Variants in CTNNA3 observed in about 807,000 individuals in gnomAD.
CTNNA3 encodes the protein catenin alpha-3.
A neutral mutation model predicts 95.7 loss-of-function variants in CTNNA3; 76 were observed. The ratio of observed to expected loss-of-function variants is 0.79; its 90% CI spans 0.66 to 0.96. The LOEUF is 0.96. Ranked by LOEUF, CTNNA3 falls within the 40% of genes least tolerant of loss-of-function variation. The pLI, the probability that CTNNA3 is intolerant of heterozygous loss-of-function variation, is 0.00. For missense variants in CTNNA3, 1,191 were observed against 1,089.8 expected, an observed-to-expected ratio of 1.09 and a Z score of -1.31; for synonymous variants, 431 against 374.4, an observed-to-expected ratio of 1.15 and a Z score of -1.74.
rs539417729 is a variant in CTNNA3, at chr10:66,904,243, C to A, written c.1048-128719G>T. On this transcript the variant is annotated intron_variant, in intron 7 of 17. Transcript: ENST00000433211. ...CCACAGCCATCTGATCTTTGACAAA[C>A]CTAACAAAAACAAGAAATGGGGAAA... 8.7e-4 allele frequency among the ~76,000 whole-genome samples: 132 copies of A among 152,204 alleles called. 2 individuals carry two copies. The Middle Eastern group carries it at 0.02, about 24-fold the overall frequency.
At chr10:67,404,490 A>T (rs574767615) in intron 5 of CTNNA3, among the ~76,000 whole-genome samples, 2 of 152,152 alleles carry the variant, frequency 1.3e-5, no homozygotes, top group African/African-American at 4.8e-5. Flanking sequence ...GAAATAACAC[A>T]GGCAGACAAA....
chr10:66,785,420 A>G (rs1840703295), intron 7 of CTNNA3, among the ~76,000 whole-genome samples: 1 of 152,170 alleles, frequency 6.6e-6, no homozygotes, highest in Non-Finnish European at 1.5e-5. Flanking sequence ...GCATCATCTA[A>G]TCTGTTGAGG....
chr10:66,105,345 C>T (rs1023073025), intron 13 of CTNNA3, among the ~76,000 whole-genome samples: 2 of 152,182 alleles, frequency 1.3e-5, no homozygotes, highest in Admixed American at 6.5e-5. Flanking sequence ...AATTTCCCTC[C>T]TTGTTATATC....
chr10:66,699,229 T>C lies in CTNNA3; in HGVS notation c.1281+67035A>G, dbSNP rs1038655298. On this transcript the variant is annotated intron_variant, in intron 9 of 17. Coordinates refer to ENST00000433211, the MANE Select transcript of CTNNA3 (RefSeq NM_013266.4). ...GCTGATTTCATTTCCTCTGGATATA[T>C]ACCCAGAAAAGGGATTGTTGGATCA... 2.6e-5 allele frequency among the ~76,000 whole-genome samples: 4 copies of C among 152,274 alleles called. No individual in the cohort carries two copies. The South Asian group carries it at 6.2e-4, about 24-fold the overall frequency.
chr10:66,010,659 A>G (rs1050689707), intron 15 of CTNNA3, among the ~76,000 whole-genome samples: 1 of 152,198 alleles, frequency 6.6e-6, no homozygotes, highest in African/African-American at 2.4e-5. Flanking sequence ...ATGGCTCCCA[A>G]GGATCACTGA....
chr10:67,112,928 A>C (rs1249344240), intron 7 of CTNNA3, among the ~76,000 whole-genome samples: 1 of 152,122 alleles, frequency 6.6e-6, no homozygotes, highest in Non-Finnish European at 1.5e-5. Flanking sequence ...TCTGGAAAAA[A>C]GATTCCCTTG....
chr10:67,253,993 CTTCT>C (rs929506067), intron 5 of CTNNA3, among the ~76,000 whole-genome samples: 4 of 152,106 alleles, frequency 2.6e-5, no homozygotes, highest in African/African-American at 9.7e-5. Context: ...CTTTCCCTTC[CTTCT>C]ATGATTCATG....
chr10:67,158,466 G>C (rs1303835102), intron 7 of CTNNA3, among the ~76,000 whole-genome samples: 1 of 152,132 alleles, frequency 6.6e-6, no homozygotes, highest in African/African-American at 2.4e-5. Flanking sequence ...TATCAAAATA[G>C]ATGGGCTCTC....
chr10:67,215,786 C>T (rs550452727), intron 6 of CTNNA3, among the ~76,000 whole-genome samples: 6 of 152,236 alleles, frequency 3.9e-5, no homozygotes, highest in East Asian at 1.9e-4. Context: ...ATGTATCTTA[C>T]GGGACTTTCC....
At chr10:66,039,319 A>AATTT (rs2079633776) in intron 15 of CTNNA3, among the ~76,000 whole-genome samples, 1 of 152,228 alleles carries the variant, frequency 6.6e-6, no homozygotes, top group South Asian at 2.1e-4. Flanking sequence ...TGGCCGAAGC[A>AATTT]ATTTATAGAT....
intron 14 of CTNNA3, among the ~76,000 whole-genome samples, chr10:66,082,899 T>C (rs1476370870): frequency 2.0e-5 from 3 of 152,014 alleles, no homozygotes; most frequent in Non-Finnish European, 4.4e-5. Context: ...TGCAGCAAAA[T>C]ACTGCATATT....
chr10:66,773,365 A>G (rs1840172446), intron 8 of CTNNA3, among the ~76,000 whole-genome samples: 1 of 152,222 alleles, frequency 6.6e-6, no homozygotes. Flanking sequence ...CTAAGGCACT[A>G]AGAATGCTTG....
chr10:66,026,373 C>T (rs1156671307), intron 15 of CTNNA3, among the ~76,000 whole-genome samples: 5 of 152,100 alleles, frequency 3.3e-5, no homozygotes, highest in African/African-American at 1.2e-4. Context: ...TTCCATCACT[C>T]CTAAAGTTTT....
intron 5 of CTNNA3, among the ~76,000 whole-genome samples, chr10:67,430,820 T>TACACACACACACACACAC (rs371146065): frequency 9.3e-4 from 129 of 138,854 alleles, no homozygotes; most frequent in Middle Eastern, 3.8e-3. Context: ...CAAACATAAC[T>TACACACACACACACACAC]ACACACACAC....
intron 1 of CTNNA3, among the ~76,000 whole-genome samples, chr10:67,723,985 G>C (rs1414899051): frequency 1.3e-5 from 2 of 152,070 alleles, no homozygotes; most frequent in African/African-American, 4.8e-5. Flanking sequence ...GCTCCTTCCA[G>C]TAGACCTTTA....
At position 66,451,532 on chromosome 10, in the gene CTNNA3, G is replaced by A. The variant is rs557978536; in HGVS notation, c.1531+69085C>T. On this transcript the variant is annotated intron_variant, in intron 11 of 17. Transcript: ENST00000433211. Reference sequence around the variant, plus strand: ...ATTCGAAGCAATTTGTTAATCAAGTGTAAAACATAAGGGTAATTAATGAAA... The same window carrying A: ...ATTCGAAGCAATTTGTTAATCAAGTATAAAACATAAGGGTAATTAATGAAA... Among the ~76,000 whole-genome samples, 4 of 152,172 alleles carry A rather than the reference G, an allele frequency of 2.6e-5. 1 individual carries two copies. Among genetic ancestry groups the A allele is most frequent in the African/African-American group, 7.2e-5 (3 of 41,526 alleles).
intron 6 of CTNNA3, among the ~76,000 whole-genome samples, chr10:67,205,240 G>C (rs1005327753): frequency 1.3e-5 from 2 of 152,148 alleles, no homozygotes; most frequent in African/African-American, 4.8e-5. Flanking sequence ...GGTTATATCA[G>C]ATCTCTTTTA....
intron 14 of CTNNA3, among the ~76,000 whole-genome samples, chr10:66,076,817 A>G (rs2080571844): frequency 6.6e-6 from 1 of 151,764 alleles, no homozygotes; most frequent in Non-Finnish European, 1.5e-5. Context: ...TTTAAATAAT[A>G]ATATGATGAG....
At chr10:66,848,041 T>G (rs950787833) in intron 7 of CTNNA3, among the ~76,000 whole-genome samples, 2 of 152,058 alleles carry the variant, frequency 1.3e-5, no homozygotes, top group Admixed American at 1.3e-4. Context: ...ATGAACATGC[T>G]ATATGTGGAG....
Sources: allele counts gnomAD v4.1 joint callset (sites outside exome capture counted in the v4.1 genomes callset), GRCh38; gene constraint gnomAD v4.1.1; transcripts MANE v1.5; gene names NCBI Gene and HGNC (gene_info 2026-07-23, HGNC 2026-07-21).